Variants in KANK1 observed in about 807,000 individuals in gnomAD.
KANK1 encodes the protein KN motif and ankyrin repeat domains 1.
Under a neutral mutation model 106.2 loss-of-function variants are expected in KANK1, and 109 were observed. The ratio of observed to expected loss-of-function variants is 1.03; its 90% CI spans 0.88 to 1.20. The LOEUF is 1.20. Ranked by LOEUF, KANK1 falls within the 50% of genes most tolerant of loss-of-function variation. KANK1 has a pLI of 0.00. For missense variants in KANK1, 2,399 were observed against 1,710.7 expected, an observed-to-expected ratio of 1.40 and a Z score of -7.10; for synonymous variants, 873 against 652.2, an observed-to-expected ratio of 1.34 and a Z score of -5.16.
At chr9:639,173 C>G (rs1837820717) in intron 1 of KANK1, among the ~76,000 whole-genome samples, 1 of 152,098 alleles carries the variant, frequency 6.6e-6, no homozygotes, top group Admixed American at 6.6e-5. Flanking sequence ...TGTCATTTTA[C>G]TTCAGCTGGG....
chr9:684,092 C>G (rs1818080976), intron 2 of KANK1: 1 of 882,214 alleles, frequency 1.1e-6, no homozygotes, highest in Non-Finnish European at 1.4e-6. Context: ...TTTGAAAAGC[C>G]CCTGGCTCAT....
In KANK1 at chr9:724,113, T is replaced by G. The variant is rs141009793; in HGVS notation, c.2699-5938T>G. Among the ~76,000 whole-genome samples, 121 of 152,064 alleles carry G rather than the reference T, an allele frequency of 8.0e-4. 1 individual carries two copies. Among genetic ancestry groups the G allele is most frequent in the African/African-American group, 2.7e-3 (112 of 41,492 alleles). On this transcript the variant is annotated intron_variant, in intron 3 of 11. Coordinates refer to ENST00000382297, the MANE Select transcript of KANK1 (RefSeq NM_015158.5). ...GAGATGCCATATCAAAAAAAAAGAC[T>G]ATTGGAGAAATTTGAATACTGACTG... is the stretch of plus-strand genomic sequence containing the variant.
chr9:706,153 C>T (rs1172580292), intron 2 of KANK1, among the ~76,000 whole-genome samples: 7 of 152,142 alleles, frequency 4.6e-5, no homozygotes, highest in Non-Finnish European at 1.0e-4. Flanking sequence ...GAAAACACAT[C>T]TTACTTTTTT....
intron 1 of KANK1, among the ~76,000 whole-genome samples, chr9:537,187 CAA>C (rs1161421484): frequency 3.9e-5 from 6 of 152,138 alleles, no homozygotes; most frequent in Non-Finnish European, 7.4e-5. Flanking sequence ...CCTTTGAAAA[CAA>C]AGCTAAGCTG....
At chr9:720,971 G>A (rs1231784099) in intron 3 of KANK1, among the ~76,000 whole-genome samples, 2 of 152,204 alleles carry the variant, frequency 1.3e-5, no homozygotes, top group African/African-American at 2.4e-5. Context: ...CTTAATTTCA[G>A]TAGTCAGCTT....
chr9:594,017 A>T (rs1473259546), intron 1 of KANK1, among the ~76,000 whole-genome samples: 2 of 152,040 alleles, frequency 1.3e-5, no homozygotes, highest in African/African-American at 2.4e-5. Context: ...TTTAGAAAGC[A>T]TGCAGCTGAC....
At chr9:512,230 AGT>A (rs71678968) in intron 1 of KANK1, among the ~76,000 whole-genome samples, 16,828 of 136,764 alleles carry the variant, frequency 0.12, 1,259 homozygotes, top group African/African-American at 0.27. Flanking sequence ...CATAACCAAT[AGT>A]GTGTGTGTGT....
intron 1 of KANK1, among the ~76,000 whole-genome samples, chr9:631,682 G>C (rs1835782208): frequency 6.6e-6 from 1 of 152,186 alleles, no homozygotes; most frequent in African/African-American, 2.4e-5. Context: ...CCAAAATAAA[G>C]TCCAACTGTT....
At chr9:675,738 C>T (rs1014316890) in intron 1 of KANK1, among the ~76,000 whole-genome samples, 1 of 151,846 alleles carries the variant, frequency 6.6e-6, no homozygotes, top group African/African-American at 2.4e-5. Flanking sequence ...AGAGGTGAAT[C>T]CATAGAGTAA....
At chr9:679,323 T>C (rs1817040595) in intron 2 of KANK1, among the ~76,000 whole-genome samples, 1 of 152,182 alleles carries the variant, frequency 6.6e-6, no homozygotes, top group Non-Finnish European at 1.5e-5. Flanking sequence ...TGTATGTGTC[T>C]GTATATGTAT....
At chr9:673,045 C>T (rs1026704448) in intron 1 of KANK1, among the ~76,000 whole-genome samples, 2 of 151,912 alleles carry the variant, frequency 1.3e-5, no homozygotes, top group Non-Finnish European at 2.9e-5. Context: ...TACAATGCAC[C>T]GACATAAGAA....
At chr9:720,200 A>C (rs1346829465) in intron 3 of KANK1, among the ~76,000 whole-genome samples, 2 of 152,190 alleles carry the variant, frequency 1.3e-5, no homozygotes, top group Non-Finnish European at 2.9e-5. Context: ...TGAGTTAATG[A>C]TAGAAGACTT....
chr9:544,727 C>T (rs2060827219), intron 1 of KANK1, among the ~76,000 whole-genome samples: 1 of 136,704 alleles, frequency 7.3e-6, no homozygotes, highest in African/African-American at 2.8e-5. Context: ...TGGAGTTCGC[C>T]AGGTGAAGTG....
chr9:681,102 C>G (rs1345480907), intron 2 of KANK1: 1 of 152,262 alleles, frequency 6.6e-6, no homozygotes, highest in Non-Finnish European at 1.5e-5. Flanking sequence ...ACCTGTAGTC[C>G]CAGCTACTCA....
At chr9:727,279 G>C (rs1830933355) in intron 3 of KANK1, among the ~76,000 whole-genome samples, 1 of 151,956 alleles carries the variant, frequency 6.6e-6, no homozygotes, top group Admixed American at 6.6e-5. Context: ...TTTGAACACA[G>C]TTAACCCATA....
chr9:735,666 C>A (rs750335527), intron 7 of KANK1: 1 of 345,680 alleles, frequency 2.9e-6, no homozygotes, highest in Non-Finnish European at 6.4e-6. Flanking sequence ...ACTTTAAATT[C>A]TGCCATATAT....
chr9:565,039 T>A (rs557792277), intron 1 of KANK1, among the ~76,000 whole-genome samples: 3 of 152,230 alleles, frequency 2.0e-5, no homozygotes, highest in Middle Eastern at 3.4e-3. Flanking sequence ...ATTAGACAAA[T>A]GTCAGTGGGT....
intron 1 of KANK1, among the ~76,000 whole-genome samples, chr9:528,563 T>C (rs12340442): frequency 0.24 from 34,553 of 142,676 alleles, 4,600 homozygotes; most frequent in East Asian, 0.41. Context: ...CTCACTGCAG[T>C]CTCTGCCTTC....
intron 3 of KANK1, among the ~76,000 whole-genome samples, chr9:719,366 T>C (rs888704207): frequency 3.9e-5 from 6 of 152,230 alleles, no homozygotes; most frequent in African/African-American, 1.4e-4. Flanking sequence ...GACTCCATAA[T>C]GAATTGGAAA....
Sources: allele counts gnomAD v4.1 joint callset (sites outside exome capture counted in the v4.1 genomes callset), GRCh38; gene constraint gnomAD v4.1.1; transcripts MANE v1.5; gene names NCBI Gene and HGNC (gene_info 2026-07-23, HGNC 2026-07-21).